Variants in FZD1 observed in about 807,000 individuals in gnomAD.
FZD1 encodes frizzled-1.
Under a neutral mutation model 48.0 loss-of-function variants are expected in FZD1, and 22 were observed. That is an observed-to-expected ratio of 0.46 (90% CI 0.33 to 0.65). FZD1 has a LOEUF of 0.65. Ranked by LOEUF, FZD1 falls within the 30% of genes least tolerant of loss-of-function variation. The pLI is 0.02. For missense variants in FZD1, 843 were observed against 898.1 expected (o/e 0.94, Z 0.78); for synonymous variants, 486 against 409.6 (o/e 1.19, Z -2.25).
In FZD1 at chr7:91,267,053, C is replaced by A; in HGVS notation, c.*229C>A. 1.9e-6 allele frequency: 1 copy of A among 513,000 alleles called. No homozygotes were observed. The highest frequency in any genetic ancestry group is 3.6e-6 in the Non-Finnish European group (1 of 281,270). 31.8% of individuals were successfully genotyped at this position (513,000 alleles called of 1,614,324 possible). Reference sequence around the variant, plus strand: ...AGGATGGACAGACCTCTTGCCCTCACACTCTGGTACCAGGACTGTTCGCTT... The same window carrying A: ...AGGATGGACAGACCTCTTGCCCTCAAACTCTGGTACCAGGACTGTTCGCTT... On this transcript the variant is annotated 3_prime_UTR_variant, in exon 1 of 1. Coordinates refer to ENST00000287934, the MANE Select transcript of FZD1 (RefSeq NM_003505.2).
chr7:91,265,429 G>T lies in FZD1; in HGVS notation c.549G>T (p.Ala183=), dbSNP rs370651906. 4 of 1,613,378 alleles carry T rather than the reference G, an allele frequency of 2.5e-6. No individual in the cohort carries two copies. In the African/African-American group the frequency reaches 5.3e-5, roughly 22 times the overall value. ...CCGTGTGCACCGTGCTAGAGCAGGCGCTGCCGCCCTGCCGCTCCCTGTGCG... is the reference window on the plus strand; with the variant it reads ...CCGTGTGCACCGTGCTAGAGCAGGCTCTGCCGCCCTGCCGCTCCCTGTGCG... ...YAPVCTVLEQ[A]LPPCRSLCER... The change falls in exon 1 of 1, where the codon GCG becomes GCT. Residue 183 remains alanine (A), a synonymous_variant. Transcript: ENST00000287934. The surrounding 1 kb of genome is among the most constrained non-coding windows in gnomAD (Gnocchi z 6.9).
At position 91,266,542 on chromosome 7, in the gene FZD1, C is replaced by T; in HGVS notation, c.1662C>T (p.Cys554=). 1 of 1,614,018 alleles carries T rather than the reference C, an allele frequency of 6.2e-7. No homozygotes were observed. Among genetic ancestry groups the T allele is most frequent in the African/African-American group, 1.3e-5 (1 of 75,070 alleles). ...YTVPATIVIA[C]YFYEQAFRDQ... ...TGCCAGCCACCATCGTCATCGCCTG[C>T]TACTTCTACGAGCAGGCCTTCCGGG... The change falls in exon 1 of 1, where the codon TGC becomes TGT. Residue 554 remains cysteine, a synonymous_variant. Coordinates refer to ENST00000287934, the MANE Select transcript of FZD1 (RefSeq NM_003505.2). The surrounding 1 kb of genome is among the most constrained non-coding windows in gnomAD (Gnocchi z 6.8).
chr7:91,265,681 C>A lies in FZD1; in HGVS notation c.801C>A (p.Gly267=). The change falls in exon 1 of 1, where the codon GGC becomes GGA. Residue 267 remains glycine, a synonymous_variant. Coordinates refer to ENST00000287934, the MANE Select transcript of FZD1 (RefSeq NM_003505.2). This position sits in a 1 kb window ranked among gnomAD's most constrained non-coding sequence, Gnocchi z 6.9. ...GHRGGFPGGA[G]ASERGKFSCP... is the part of the protein sequence containing the mutation. ...GTGGCGGCTTCCCGGGGGGCGCCGG[C>A]GCGTCGGAGCGAGGCAAGTTCTCCT... 1 of 1,570,566 alleles carries A rather than the reference C, an allele frequency of 6.4e-7. No individual in the cohort carries two copies. The highest frequency in any genetic ancestry group is 1.2e-5 in the South Asian group (1 of 86,822).
chr7:91,264,687 C>A lies in FZD1; in HGVS notation c.-194C>A. 1 of 398,214 alleles carries A rather than the reference C, an allele frequency of 2.5e-6. No homozygotes were observed. Among genetic ancestry groups the A allele is most frequent in the Admixed American group, 4.5e-5 (1 of 22,326 alleles). The allele number at this position is 398,214 out of a possible 1,614,324, so 24.7% of individuals were successfully genotyped here. On this transcript the variant is annotated 5_prime_UTR_variant, in exon 1 of 1. Transcript: ENST00000287934. Reference sequence around the variant, plus strand: ...ACCCGGGTTCTCCCCGCCGCCCGCGCTTCATGAATCGCAAGTTTCCGCGGC... The same window carrying A: ...ACCCGGGTTCTCCCCGCCGCCCGCGATTCATGAATCGCAAGTTTCCGCGGC...
At position 91,269,241 on chromosome 7, in the gene FZD1, G is replaced by C. The variant is rs1803933388; in HGVS notation, c.*2417G>C. 3 of 166,684 alleles carry C rather than the reference G, an allele frequency of 1.8e-5. No individual in the cohort carries two copies. Among genetic ancestry groups the C allele is most frequent in the African/African-American group, 7.2e-5 (3 of 41,382 alleles). The allele number at this position is 166,684 out of a possible 1,614,324, so 10.3% of individuals were successfully genotyped here. A position where few individuals can be genotyped will look rare whatever the true frequency, so the allele number is the denominator to read the frequency against. On this transcript the variant is annotated 3_prime_UTR_variant, in exon 1 of 1. Transcript: ENST00000287934. Reference sequence around the variant, plus strand: ...TAAGGCTGTTTTGTTGTTTGCTTCTGAAGACCCCTTTTTTTAATCGTTCAA... The same window carrying C: ...TAAGGCTGTTTTGTTGTTTGCTTCTCAAGACCCCTTTTTTTAATCGTTCAA...
chr7:91,268,094 T>C lies in FZD1; in HGVS notation c.*1270T>C, dbSNP rs1052615599. 2.2e-4 allele frequency: 37 copies of C among 167,096 alleles called. No individual in the cohort carries two copies. Among genetic ancestry groups the C allele is most frequent in the African/African-American group, 8.2e-4 (34 of 41,478 alleles). The allele number at this position is 167,096 out of a possible 1,614,324, so 10.4% of individuals were successfully genotyped here. On this transcript the variant is annotated 3_prime_UTR_variant, in exon 1 of 1. Transcript: ENST00000287934. ...AAACTTGAAGGATATTTCAGTGTCATGGACTTCCTCAAAATGAAGTGCTAT... is the reference window on the plus strand; with the variant it reads ...AAACTTGAAGGATATTTCAGTGTCACGGACTTCCTCAAAATGAAGTGCTAT...
In FZD1 at chr7:91,266,637, C is replaced by T. The variant is rs200835205; in HGVS notation, c.1757C>T (p.Ala586Val). 4 of 1,611,020 alleles carry T rather than the reference C, an allele frequency of 2.5e-6. No homozygotes were observed. The South Asian group carries it at 3.3e-5, about 13-fold the overall frequency. The part of the protein sequence containing the change: ...SYAIPCPHLQ[A>V]GGGAPPHPPM... ...GCTATCCCCTGCCCTCACCTCCAGG[C>T]GGGCGGAGGCGCCCCGCCGCACCCG... Residue 586 changes from alanine (A) to valine (V), a missense_variant, in exon 1 of 1, where the codon GCG becomes GTG. Physicochemically the swap from Ala to Val is moderately conservative, Grantham distance 64 (BLOSUM62 0). Transcript: ENST00000287934. The surrounding 1 kb of genome is among the most constrained non-coding windows in gnomAD (Gnocchi z 6.8).
rs1803869517 is a variant in FZD1, at chr7:91,265,818, C to G, written c.938C>G (p.Pro313Arg). Residue 313 changes from proline (P) to arginine (R), a missense_variant, in exon 1 of 1, where the codon CCC (proline) becomes CGC (arginine). Around this residue, in one of 2 missense-constraint regions of FZD1, gnomAD observed 490 missense variants for 466.5 expected, o/e 1.05. Coordinates refer to ENST00000287934, the MANE Select transcript of FZD1 (RefSeq NM_003505.2). The surrounding 1 kb of genome is among the most constrained non-coding windows in gnomAD (Gnocchi z 6.9). ...TKVYGLMYFGPEELRFSRTWI... is the reference protein window; with the variant it reads ...TKVYGLMYFGREELRFSRTWI... ...GTGTATGGGCTCATGTACTTCGGGC[C>G]CGAGGAGCTGCGCTTCTCGCGCACC... 6.2e-7 allele frequency: 1 copy of G among 1,613,708 alleles called. No homozygotes were observed. Among genetic ancestry groups the G allele is most frequent in the Non-Finnish European group, 8.5e-7 (1 of 1,179,810 alleles).
Position 91,267,742 on chromosome 7 carries a change from C to CT in FZD1, c.*919dup, listed in dbSNP as rs918440988. The CT allele has an allele frequency of 6.0e-6, 1 of 167,042 alleles. No homozygotes were observed. The highest frequency in any genetic ancestry group is 2.4e-5 in the African/African-American group (1 of 41,440). The allele number at this position is 167,042 out of a possible 1,614,324, so 10.3% of individuals were successfully genotyped here. ...TAACCAATGCCAAACTTTTTGAAGT[C>CT]TAATTTTTGAGGGGTGAGCTCATTT... On this transcript the variant is annotated 3_prime_UTR_variant, in exon 1 of 1. Transcript: ENST00000287934.
In FZD1 at chr7:91,269,777, G is replaced by C. The variant is rs1343388919; in HGVS notation, c.*2953G>C. The stretch of plus-strand genomic sequence containing the variant: ...CATACACAAAAAAATAGTATTCTTA[G>C]GCCAAATTCACACATATCTCCTCAC... On this transcript the variant is annotated 3_prime_UTR_variant, in exon 1 of 1. Transcript: ENST00000287934. 1 of 166,794 alleles carries C rather than the reference G, an allele frequency of 6.0e-6. No homozygotes were observed. Among genetic ancestry groups the C allele is most frequent in the East Asian group, 1.9e-4 (1 of 5,196 alleles). The allele number at this position is 166,794 out of a possible 1,614,324, so 10.3% of individuals were successfully genotyped here.
rs570463150 is a variant in FZD1 at position 91,268,714 on chromosome 7, C to G, written c.*1890C>G. On this transcript the variant is annotated 3_prime_UTR_variant, in exon 1 of 1. Coordinates refer to ENST00000287934, the MANE Select transcript of FZD1 (RefSeq NM_003505.2). ...CAAATAAAAAATTCAAAGTTTTGTA[C>G]AAAATTATATGGATTTTGTGCCTGA... 1.2e-5 allele frequency: 2 copies of G among 166,046 alleles called. No individual in the cohort carries two copies. Among genetic ancestry groups the G allele is most frequent in the Non-Finnish European group, 2.9e-5 (2 of 68,030 alleles). The allele number at this position is 166,046 out of a possible 1,614,324, so 10.3% of individuals were successfully genotyped here.
rs779934443 is a variant in FZD1, at chr7:91,265,164, A to C, written c.284A>C (p.Gln95Pro). The change falls in exon 1 of 1, where the codon CAG becomes CCG. Residue 95 changes from glutamine (Q) to proline (P), a missense_variant. Gln to Pro is a moderately conservative substitution (Grantham distance 76). Coordinates refer to ENST00000287934, the MANE Select transcript of FZD1 (RefSeq NM_003505.2). The surrounding 1 kb of genome is among the most constrained non-coding windows in gnomAD (Gnocchi z 6.9). ...PGQQPPPPPQ[Q>P]QQSGQQYNGE... is the part of the protein sequence containing the mutation. ...CAGCAACCGCCGCCGCCGCCTCAGC[A>C]GCAACAGAGCGGGCAGCAGTACAAC... The C allele has an allele frequency of 1.2e-5, 20 of 1,610,198 alleles. No individual in the cohort carries two copies. In the South Asian group the frequency reaches 2.1e-4, roughly 17 times the overall value.
Position 91,266,070 on chromosome 7 carries a change from C to G in FZD1, c.1190C>G (p.Thr397Ser). The change falls in exon 1 of 1, where the codon ACC becomes AGC. Residue 397 changes from threonine (T) to serine (S), a missense_variant. Physicochemically the swap from Thr to Ser is moderately conservative, Grantham distance 58. Transcript: ENST00000287934. This position sits in a 1 kb window ranked among gnomAD's most constrained non-coding sequence, Gnocchi z 6.8. ...EDGARTVAQG[T>S]KKEGCTILFM... ...GGGGCACGCACTGTGGCGCAGGGCA[C>G]CAAGAAGGAGGGCTGCACCATCCTC... The G allele has an allele frequency of 6.2e-7, 1 of 1,614,178 alleles. No homozygotes were observed. Among genetic ancestry groups the G allele is most frequent in the Admixed American group, 1.7e-5 (1 of 60,038 alleles).
chr7:91,264,484 C>A lies in FZD1; in HGVS notation c.-397C>A, dbSNP rs1381175907. On this transcript the variant is annotated 5_prime_UTR_variant, in exon 1 of 1. Transcript: ENST00000287934. ...GAGGGAGCGAGTTGAGGGATTGACACAAATGGTCAGGCGGCGGCGGCGGAG... is the reference window on the plus strand; with the variant it reads ...GAGGGAGCGAGTTGAGGGATTGACAAAAATGGTCAGGCGGCGGCGGCGGAG... 11 of 288,064 alleles carry A rather than the reference C, an allele frequency of 3.8e-5. No individual in the cohort carries two copies. The highest frequency in any genetic ancestry group is 7.1e-5 in the Non-Finnish European group (11 of 155,302). The allele number at this position is 288,064 out of a possible 1,614,324, so 17.8% of individuals were successfully genotyped here.
rs201946862 is a variant in FZD1, at chr7:91,265,660, C to G, written c.780C>G (p.Gly260=). 2 of 1,565,912 alleles carry G rather than the reference C, an allele frequency of 1.3e-6. No individual in the cohort carries two copies. Among genetic ancestry groups the G allele is most frequent in the Admixed American group, 3.7e-5 (2 of 54,350 alleles). The part of the protein sequence containing the change: ...NPQHGGGGHR[G]GFPGGAGASE... ...AGCACGGCGGCGGAGGGCACCGTGG[C>G]GGCTTCCCGGGGGGCGCCGGCGCGT... Residue 260 remains glycine, a synonymous_variant, in exon 1 of 1, where the codon GGC becomes GGG. Transcript: ENST00000287934. The surrounding 1 kb of genome is among the most constrained non-coding windows in gnomAD (Gnocchi z 6.9).
chr7:91,270,902 T>C lies in FZD1; in HGVS notation c.*4078T>C, dbSNP rs995869635. 2.4e-5 allele frequency: 4 copies of C among 167,070 alleles called. No homozygotes were observed. Among genetic ancestry groups the C allele is most frequent in the Non-Finnish European group, 4.4e-5 (3 of 68,120 alleles). 10.3% of individuals were successfully genotyped at this position (167,070 alleles called of 1,614,324 possible). A position where few individuals can be genotyped will look rare whatever the true frequency, so the allele number is the denominator to read the frequency against. On this transcript the variant is annotated 3_prime_UTR_variant, in exon 1 of 1. Coordinates refer to ENST00000287934, the MANE Select transcript of FZD1 (RefSeq NM_003505.2). ...TTGAATACTTTGCAGAATACACTAA[T>C]GTCAAAGGCTTGCAGGATTAATGTG... is the stretch of plus-strand genomic sequence containing the variant.
In FZD1 at chr7:91,266,437, C is replaced by G; in HGVS notation, c.1557C>G (p.Ile519Met). ...TGTCGCTCTTCCGCATCCGCACCATCATGAAGCACGATGGCACCAAGACCG... is the reference window on the plus strand; with the variant it reads ...TGTCGCTCTTCCGCATCCGCACCATGATGAAGCACGATGGCACCAAGACCG... ...GFVSLFRIRTIMKHDGTKTEK... is the reference protein window; with the variant it reads ...GFVSLFRIRTMMKHDGTKTEK... The change falls in exon 1 of 1, where the codon ATC (isoleucine) becomes ATG (methionine). Residue 519 changes from isoleucine (I) to methionine (M), a missense_variant. Physicochemically the swap from Ile to Met is conservative, Grantham distance 10. Transcript: ENST00000287934. This position sits in a 1 kb window ranked among gnomAD's most constrained non-coding sequence, Gnocchi z 6.8. 2 of 1,614,248 alleles carry G rather than the reference C, an allele frequency of 1.2e-6. No individual in the cohort carries two copies. The highest frequency in any genetic ancestry group is 1.1e-5 in the South Asian group (1 of 91,088).
At position 91,266,584 on chromosome 7, in the gene FZD1, C is replaced by G. The variant is rs367770320; in HGVS notation, c.1704C>G (p.Ser568Arg). The change falls in exon 1 of 1, where the codon AGC becomes AGG. Residue 568 changes from serine to arginine, a missense_variant. Ser to Arg is a moderately radical substitution (Grantham distance 110, BLOSUM62 -1). This residue lies in a region of FZD1 where 353 missense variants were observed against 431.6 expected (regional missense o/e 0.82). Transcript: ENST00000287934. This position sits in a 1 kb window ranked among gnomAD's most constrained non-coding sequence, Gnocchi z 6.8. ...CCTTCCGGGACCAGTGGGAACGCAG[C>G]TGGGTGGCCCAGAGCTGCAAGAGCT... is the stretch of plus-strand genomic sequence containing the variant. ...EQAFRDQWER[S>R]WVAQSCKSYA... 142 of 1,613,524 alleles carry G rather than the reference C, an allele frequency of 8.8e-5. No individual in the cohort carries two copies. Among genetic ancestry groups the G allele is most frequent in the Non-Finnish European group, 1.2e-4 (137 of 1,180,004 alleles).
Position 91,266,508 on chromosome 7 carries a change from T to TCAC in FZD1, c.1628_1629insCAC (p.Leu543_Tyr544insThr), listed in dbSNP as rs773825488. The TCAC allele has an allele frequency of 6.2e-7, 1 of 1,614,044 alleles. No individual in the cohort carries two copies. The highest frequency in any genetic ancestry group is 1.1e-5 in the South Asian group (1 of 91,078). On this transcript the variant is annotated inframe_insertion, in exon 1 of 1. Coordinates refer to ENST00000287934, the MANE Select transcript of FZD1 (RefSeq NM_003505.2). This position sits in a 1 kb window ranked among gnomAD's most constrained non-coding sequence, Gnocchi z 6.8. ...GTGCGCATTGGCGTCTTCAGCGTGC[T>TCAC]GTACACTGTGCCAGCCACCATCGTC...
Sources: allele counts gnomAD v4.1 joint callset, GRCh38; gene constraint gnomAD v4.1.1; regional missense constraint gnomAD v4.1.1; non-coding constraint Gnocchi (gnomAD v3.1); transcripts MANE v1.5; gene names NCBI Gene and HGNC (gene_info 2026-07-23, HGNC 2026-07-21).